SCFD2: variants seen among roughly 807,000 people sequenced by gnomAD.
SCFD2 encodes sec1 family domain-containing protein 2.
A neutral mutation model predicts 58.9 loss-of-function variants in SCFD2; 54 were observed. The ratio of observed to expected loss-of-function variants is 0.92; its 90% confidence interval spans 0.74 to 1.15. The LOEUF is 1.15. SCFD2 is among the 50% of genes most tolerant of loss of function. SCFD2 has a pLI of 0.00. For synonymous variants in SCFD2, 321 were observed against 335.9 expected, an observed-to-expected ratio of 0.96 and a Z score of 0.49; for missense variants, 805 against 836.6, an observed-to-expected ratio of 0.96 and a Z score of 0.47.
chr4:52,954,327 T>C (rs1459465708), intron 5 of SCFD2, among the ~76,000 whole-genome samples: 1 of 152,158 alleles, frequency 6.6e-6, no homozygotes, highest in Non-Finnish European at 1.5e-5. Context: ...CAAGTATGTC[T>C]TTAGCCTCAT....
chr4:52,961,495 A>T (rs536472089), intron 5 of SCFD2, among the ~76,000 whole-genome samples: 1 of 152,220 alleles, frequency 6.6e-6, no homozygotes, highest in South Asian at 2.1e-4. Flanking sequence ...AGCTAGCTTG[A>T]GTTGATTAGC....
chr4:53,080,896 G>T (rs1036652162), intron 5 of SCFD2, among the ~76,000 whole-genome samples: 5 of 152,078 alleles, frequency 3.3e-5, no homozygotes, highest in African/African-American at 7.2e-5. Context: ...ATACAAAACT[G>T]CCATATTTCA....
chr4:53,304,102 TA>T (rs34643436), intron 3 of SCFD2, among the ~76,000 whole-genome samples: 145,274 of 149,540 alleles, frequency 0.97, 70,666 homozygotes, highest in Middle Eastern at 1. Context: ...TAAATAATAA[TA>T]AAAAAAAAAA....
intron 5 of SCFD2, among the ~76,000 whole-genome samples, chr4:53,059,054 T>A (rs1723429845): frequency 6.6e-6 from 1 of 152,090 alleles, no homozygotes; most frequent in African/African-American, 2.4e-5. Flanking sequence ...TAGAGCCAAG[T>A]GAGAGAAATG....
intron 4 of SCFD2, among the ~76,000 whole-genome samples, chr4:53,163,587 G>C (rs1726918703): frequency 6.6e-6 from 1 of 152,132 alleles, no homozygotes; most frequent in African/African-American, 2.4e-5. Context: ...AAAACAATTA[G>C]CTGGGCATGA....
chr4:53,234,118 C>G (rs1729522883), intron 4 of SCFD2, among the ~76,000 whole-genome samples: 2 of 152,066 alleles, frequency 1.3e-5, no homozygotes, highest in African/African-American at 4.8e-5. Context: ...AAAAATGGCA[C>G]AAGTAGTAGT....
chr4:53,360,025 T>C (rs776338984), intron 1 of SCFD2, among the ~76,000 whole-genome samples: 2 of 152,228 alleles, frequency 1.3e-5, no homozygotes, highest in Non-Finnish European at 2.9e-5. Context: ...CTAGGCTCTA[T>C]CTATTGCCTC....
intron 4 of SCFD2, among the ~76,000 whole-genome samples, chr4:53,155,388 T>G (rs934651847): frequency 6.6e-6 from 1 of 152,166 alleles, no homozygotes; most frequent in African/African-American, 2.4e-5. Flanking sequence ...TCCACCTTTC[T>G]GTAAGGGATA....
At chr4:53,328,145 A>C (rs6832803) in intron 2 of SCFD2, among the ~76,000 whole-genome samples, 3,134 of 18,432 alleles carry the variant, frequency 0.17, 104 homozygotes, top group African/African-American at 0.34. Context: ...AAAAAAAAAC[A>C]AAAAAAAAAC....
intron 5 of SCFD2, among the ~76,000 whole-genome samples, chr4:53,072,977 GT>G (rs1260390379): frequency 6.6e-6 from 1 of 152,022 alleles, no homozygotes. Flanking sequence ...ATTAGACTCA[GT>G]CTTCTTCTAA....
intron 5 of SCFD2, among the ~76,000 whole-genome samples, chr4:53,117,782 T>C (rs1271061617): frequency 2.0e-5 from 3 of 152,128 alleles, no homozygotes; most frequent in Non-Finnish European, 4.4e-5. Context: ...TGTCTTGATA[T>C]ACCAAAACAC....
intron 5 of SCFD2, among the ~76,000 whole-genome samples, chr4:53,109,758 T>C (rs1725115182): frequency 1.3e-5 from 2 of 152,122 alleles, no homozygotes; most frequent in South Asian, 2.1e-4. Context: ...TGCTTATTAA[T>C]AGGAAGAATC....
intron 5 of SCFD2, among the ~76,000 whole-genome samples, chr4:53,004,828 T>C (rs950039740): frequency 6.6e-6 from 1 of 152,010 alleles, no homozygotes; most frequent in Non-Finnish European, 1.5e-5. Context: ...GTTGGGGGTA[T>C]TTTTAGGGGT....
intron 5 of SCFD2, among the ~76,000 whole-genome samples, chr4:53,045,528 A>G (rs575382911): frequency 1.3e-5 from 2 of 152,280 alleles, no homozygotes; most frequent in Admixed American, 1.3e-4. Context: ...ATAAATTTAT[A>G]AATAAAAATA....
chr4:53,251,745 G>A (rs1387866459), intron 4 of SCFD2, among the ~76,000 whole-genome samples: 1 of 151,498 alleles, frequency 6.6e-6, no homozygotes, highest in Non-Finnish European at 1.5e-5. Context: ...AAAATAATAA[G>A]AGCTATCTAT....
At chr4:53,088,001 T>C (rs972191397) in intron 5 of SCFD2, among the ~76,000 whole-genome samples, 3 of 152,104 alleles carry the variant, frequency 2.0e-5, no homozygotes, top group Admixed American at 6.6e-5. Context: ...GAGGCTTGGC[T>C]CCTTCCGACT....
At chr4:52,907,323 C>T in intron 7 of SCFD2, 134 bp downstream of exon 7, 1 of 852,666 alleles carries the variant, frequency 1.2e-6, no homozygotes, top group Non-Finnish European at 1.9e-6. Flanking sequence ...AAAGATTGCC[C>T]TTGATTTTAG....
intron 7 of SCFD2, among the ~76,000 whole-genome samples, chr4:52,903,284 C>T (rs988297073): frequency 6.6e-6 from 1 of 152,156 alleles, no homozygotes; most frequent in Non-Finnish European, 1.5e-5. Flanking sequence ...GAGGCAAGAG[C>T]GAGTGGGCTG....
At chr4:53,356,804 T>C (rs1046059528) in intron 1 of SCFD2, among the ~76,000 whole-genome samples, 12 of 149,238 alleles carry the variant, frequency 8.0e-5, no homozygotes, top group African/African-American at 3.0e-4. Flanking sequence ...TGGCGCGATC[T>C]CGGCTCACTG....
Sources: gnomAD v4.1 joint callset for allele counts (sites outside exome capture counted in the v4.1 genomes callset) on GRCh38, gnomAD v4.1.1 for gene constraint, MANE v1.5 for transcripts, NCBI Gene and HGNC (gene_info 2026-07-23, HGNC 2026-07-21) for gene names.